The following KCNMA1 variants were observed in gnomAD, a reference collection of about 807,000 sequenced individuals.
The protein encoded by KCNMA1 is Calcium-activated potassium channel subunit alpha-1.
Under a neutral mutation model 140.0 loss-of-function variants are expected in KCNMA1, and 29 were observed. The observed-to-expected ratio is 0.21, with a 90% CI of 0.15 to 0.28. The LOEUF (loss-of-function observed/expected upper bound fraction) is 0.28. KCNMA1 is among the 10% of genes least tolerant of loss of function. The probability of loss-of-function intolerance (pLI) is 1.00; values close to 1 mark genes in which losing one functional copy is unlikely to be tolerated. For missense variants in KCNMA1, 880 were observed against 1,602.2 expected, an observed-to-expected ratio of 0.55 and a Z score of 7.70; for synonymous variants, 612 against 611.9, an observed-to-expected ratio of 1.00 and a Z score of 0.00.
chr10:77,311,494 A>G (rs769270304), intron 2 of KCNMA1, among the ~76,000 whole-genome samples: 5 of 152,010 alleles, frequency 3.3e-5, no homozygotes, highest in Non-Finnish European at 7.4e-5. Context: ...TTTCTTTGAA[A>G]CCCAGGCAGC....
chr10:77,049,948 G>A (rs561045039), intron 14 of KCNMA1, among the ~76,000 whole-genome samples: 84 of 152,244 alleles, frequency 5.5e-4, no homozygotes, highest in African/African-American at 1.9e-3. Flanking sequence ...TTCTAAATCC[G>A]ATAACTTGGA....
chr10:77,280,662 G>C (rs1182360205), intron 2 of KCNMA1, among the ~76,000 whole-genome samples: 1 of 150,910 alleles, frequency 6.6e-6, no homozygotes, highest in Non-Finnish European at 1.5e-5. Flanking sequence ...GAGTAGCTGG[G>C]ACTACAGACA....
At chr10:77,104,486 T>C (rs1198402067) in intron 9 of KCNMA1, among the ~76,000 whole-genome samples, 1 of 152,176 alleles carries the variant, frequency 6.6e-6, no homozygotes, top group African/African-American at 2.4e-5. Context: ...TCATGACTCA[T>C]TCCCCTCTCG....
intron 1 of KCNMA1, among the ~76,000 whole-genome samples, chr10:77,408,973 A>G (rs1456155824): frequency 1.3e-5 from 2 of 152,178 alleles, no homozygotes. Flanking sequence ...CAGGCACAGG[A>G]GGCAGGGAAC....
At position 77,529,449 on chromosome 10, in the gene KCNMA1, C is replaced by T. The variant is rs1205818814; in HGVS notation, c.378+107816G>A. 2.0e-5 allele frequency among the ~76,000 whole-genome samples: 3 copies of T among 152,082 alleles called. No homozygotes were observed. The East Asian group carries it at 5.8e-4, about 29-fold the overall frequency. ...TCTCCTCCTCAGGGCTCCCACCTCA[C>T]TCCCCGGCACCTACCCTTTGTCAAA... On this transcript the variant is annotated intron_variant, in intron 1 of 27. Coordinates refer to ENST00000286628, the MANE Select transcript of KCNMA1 (RefSeq NM_001161352.2).
rs74802490 is a variant in KCNMA1, at chr10:77,008,319, C to T, written c.2092+3648G>A. The T allele has an allele frequency of 2.0e-3, 1,795 of 920,046 alleles. 41 individuals carry two copies. The East Asian group carries it at 0.042, about 22-fold the overall frequency. The allele number at this position is 920,046 out of a possible 1,614,324, so 57.0% of individuals were successfully genotyped here. On this transcript the variant is annotated intron_variant, in intron 18 of 27. Coordinates refer to ENST00000286628, the MANE Select transcript of KCNMA1 (RefSeq NM_001161352.2). Reference sequence around the variant, plus strand: ...ATTCCTTCAAACACATCAAACTAGACATTACTTGTCCACTAGGAGTCCACA... The same window carrying T: ...ATTCCTTCAAACACATCAAACTAGATATTACTTGTCCACTAGGAGTCCACA...
chr10:77,137,991 C>G (rs146216226), intron 5 of KCNMA1, among the ~76,000 whole-genome samples: 1 of 152,044 alleles, frequency 6.6e-6, no homozygotes, highest in African/African-American at 2.4e-5. Context: ...GGCTCCCTAC[C>G]TTAACCCAGT....
chr10:76,931,655 A>C (rs891039537), intron 23 of KCNMA1, among the ~76,000 whole-genome samples: 1 of 152,104 alleles, frequency 6.6e-6, no homozygotes, highest in Non-Finnish European at 1.5e-5. Context: ...AGAGGTTGGA[A>C]GTGTATGAGG....
intron 3 of KCNMA1, among the ~76,000 whole-genome samples, chr10:77,228,300 A>C (rs1306391419): frequency 6.6e-6 from 1 of 152,180 alleles, no homozygotes; most frequent in East Asian, 1.9e-4. Flanking sequence ...TCTCAGCCAG[A>C]GATGAATTAG....
At chr10:77,010,178 G>T (rs191948220) in intron 18 of KCNMA1, among the ~76,000 whole-genome samples, 1 of 152,062 alleles carries the variant, frequency 6.6e-6, no homozygotes, top group African/African-American at 2.4e-5. Context: ...CACTACAAGC[G>T]TTTCTTTACA....
At chr10:76,913,661 C>T (rs2051345584) in intron 24 of KCNMA1, 1 of 169,392 alleles carries the variant, frequency 5.9e-6, no homozygotes, top group Admixed American at 6.2e-5. Context: ...CCTTTGACTT[C>T]CTCTAAGAGC....
chr10:77,000,898 A>G (rs1170137555), intron 19 of KCNMA1, among the ~76,000 whole-genome samples: 2 of 127,650 alleles, frequency 1.6e-5, no homozygotes, highest in East Asian at 2.3e-4. Context: ...ATATATATAT[A>G]TATCCATCTG....
chr10:77,529,364 C>T (rs1451883117), intron 1 of KCNMA1, among the ~76,000 whole-genome samples: 3 of 152,004 alleles, frequency 2.0e-5, no homozygotes, highest in African/African-American at 7.3e-5. Context: ...CCTAGCTCCT[C>T]TCAGCCCTTC....
Position 77,382,986 on chromosome 10 carries a change from GTGTGTGTGTATATATATATATATATA to G in KCNMA1, c.540+20850_540+20875del, listed in dbSNP as rs1181073901. Among the ~76,000 whole-genome samples the G allele has an allele frequency of 4.4e-3, 256 of 58,192 alleles. 2 individuals carry two copies. Among genetic ancestry groups the G allele is most frequent in the African/African-American group, 0.019 (244 of 12,892 alleles). 38.2% of individuals were successfully genotyped at this position (58,192 alleles called of 152,430 possible). A position where few individuals can be genotyped will look rare whatever the true frequency, so the allele number is the denominator to read the frequency against. On this transcript the variant is annotated intron_variant, in intron 2 of 27. Transcript: ENST00000286628. ...TGTGTGTGTGTGTGTGTGTGTGTGT[GTGTGTGTGTATATATATATATATATA>G]TATATATATATATATATTCCAAGTG...
chr10:77,184,062 T>TCA (rs3068684), intron 4 of KCNMA1, among the ~76,000 whole-genome samples: 21,272 of 147,738 alleles, frequency 0.14, 1,631 homozygotes, highest in Non-Finnish European at 0.19. Flanking sequence ...ATGTACGCAT[T>TCA]CACACACACA....
At chr10:77,018,439 A>T (rs2092441207) in intron 17 of KCNMA1, among the ~76,000 whole-genome samples, 1 of 152,196 alleles carries the variant, frequency 6.6e-6, no homozygotes, top group Non-Finnish European at 1.5e-5. Context: ...AGGTTTAAGG[A>T]TACGAATAAA....
chr10:77,235,193 A>G (rs2054992938), intron 3 of KCNMA1, among the ~76,000 whole-genome samples: 1 of 152,232 alleles, frequency 6.6e-6, no homozygotes, highest in South Asian at 2.1e-4. Flanking sequence ...GGACTTCATT[A>G]GGCTGAAATC....
chr10:77,293,769 C>G (rs2074091684), intron 2 of KCNMA1, among the ~76,000 whole-genome samples: 1 of 152,236 alleles, frequency 6.6e-6, no homozygotes, highest in African/African-American at 2.4e-5. Flanking sequence ...TGCTGCCAAG[C>G]AAGGCTGAGG....
intron 2 of KCNMA1, among the ~76,000 whole-genome samples, chr10:77,279,358 C>T (rs1009137944): frequency 6.6e-6 from 1 of 152,138 alleles, no homozygotes; most frequent in African/African-American, 2.4e-5. Context: ...CCACTTGCTG[C>T]AGCGGAAGTG....
Sources: allele counts gnomAD v4.1 joint callset (sites outside exome capture counted in the v4.1 genomes callset), GRCh38; gene constraint gnomAD v4.1.1; transcripts MANE v1.5; gene names NCBI Gene and HGNC (gene_info 2026-07-23, HGNC 2026-07-21).